SNX3: variants seen among roughly 807,000 people sequenced by gnomAD.
SNX3 encodes sorting nexin 3.
In SNX3, 5 loss-of-function variants were observed where a neutral mutation model predicts 17.7. The observed-to-expected ratio is 0.28, with a 90% confidence interval of 0.15 to 0.59. The LOEUF is 0.59. Among genes scored for constraint, SNX3 ranks in the 20% least tolerant of loss-of-function variants. The probability of loss-of-function intolerance (pLI) is 0.88; values close to 1 mark genes in which losing one functional copy is unlikely to be tolerated. For missense variants in SNX3, 132 were observed against 206.8 expected, an observed-to-expected ratio of 0.64 and a Z score of 2.22; for synonymous variants, 91 against 76.5, an observed-to-expected ratio of 1.19 and a Z score of -0.99.
chr6:108,241,950 A>C (rs1775534593), intron 1 of SNX3, among the ~76,000 whole-genome samples: 1 of 152,240 alleles, frequency 6.6e-6, no homozygotes, highest in African/African-American at 2.4e-5. Context: ...ACTGAAAGAC[A>C]GCATGATGAC....
chr6:108,229,794 A>G (rs1252073958), intron 1 of SNX3, among the ~76,000 whole-genome samples: 1 of 152,228 alleles, frequency 6.6e-6, no homozygotes, highest in Non-Finnish European at 1.5e-5. Context: ...TGAATATTCT[A>G]AAGCATAGGG....
chr6:108,237,500 A>G (rs981811095), intron 1 of SNX3, among the ~76,000 whole-genome samples: 1 of 152,018 alleles, frequency 6.6e-6, no homozygotes, highest in Non-Finnish European at 1.5e-5. Context: ...AGAATCTACC[A>G]TGAGGCCAGG....
At chr6:108,222,737 A>C (rs1202734981) in intron 2 of SNX3, among the ~76,000 whole-genome samples, 1 of 152,188 alleles carries the variant, frequency 6.6e-6, no homozygotes. Context: ...AGTGTGAGTC[A>C]GCAAAGACCT....
At chr6:108,229,347 CA>C (rs1775069012) in intron 1 of SNX3, among the ~76,000 whole-genome samples, 1 of 151,236 alleles carries the variant, frequency 6.6e-6, no homozygotes, top group South Asian at 2.1e-4. Flanking sequence ...GAAGAATTGA[CA>C]ATTGATTTGG....
intron 2 of SNX3, among the ~76,000 whole-genome samples, chr6:108,218,416 C>T (rs952846860): frequency 6.6e-6 from 1 of 152,186 alleles, no homozygotes; most frequent in African/African-American, 2.4e-5. Context: ...TAGAACCTCA[C>T]ATTGCTGGTA....
intron 1 of SNX3, among the ~76,000 whole-genome samples, chr6:108,228,006 G>A (rs1319586377): frequency 6.6e-6 from 1 of 152,036 alleles, no homozygotes; most frequent in South Asian, 2.1e-4. Flanking sequence ...TGCTAGATAA[G>A]GGAGAATCAT....
At chr6:108,223,497 C>CT (rs59920022) in intron 1 of SNX3, among the ~76,000 whole-genome samples, 3,833 of 109,960 alleles carry the variant, frequency 0.035, 498 homozygotes, top group African/African-American at 0.055. Context: ...TTTGCTAGTT[C>CT]TTTTTTTTTT....
At chr6:108,222,303 T>C in intron 2 of SNX3, 5 of 1,304,008 alleles carry the variant, frequency 3.8e-6, no homozygotes, top group Non-Finnish European at 4.0e-6. Flanking sequence ...TTGCCTCTGA[T>C]GTCATTCTGA....
At chr6:108,239,066 A>G (rs968365231) in intron 1 of SNX3, among the ~76,000 whole-genome samples, 4 of 151,894 alleles carry the variant, frequency 2.6e-5, no homozygotes, top group Non-Finnish European at 5.9e-5. Context: ...ACACCCAGCT[A>G]ATTTTTTTGT....
chr6:108,212,438 A>C (rs1695839748), intron 3 of SNX3, among the ~76,000 whole-genome samples, 184 bp from the exon 4 acceptor site: 1 of 151,916 alleles, frequency 6.6e-6, no homozygotes, highest in Non-Finnish European at 1.5e-5. Flanking sequence ...TCCTGGGTTC[A>C]AGTGATTTCG....
In SNX3 at chr6:108,220,659, C is replaced by A. The variant is rs570275444; in HGVS notation, c.258+2291G>T. ...CATTAAGTGCCATATGACTACACCACATTGTTTGAATTACTATAGCCTTAA... is the reference window on the plus strand; with the variant it reads ...CATTAAGTGCCATATGACTACACCAAATTGTTTGAATTACTATAGCCTTAA... On this transcript the variant is annotated intron_variant, in intron 2 of 3. Coordinates refer to ENST00000230085, the MANE Select transcript of SNX3 (RefSeq NM_003795.6). Among the ~76,000 whole-genome samples, 6 of 152,228 alleles carry A rather than the reference C, an allele frequency of 3.9e-5. No homozygotes were observed. The East Asian group carries it at 1.2e-3, about 29-fold the overall frequency.
intron 1 of SNX3, among the ~76,000 whole-genome samples, chr6:108,233,351 A>G (rs1399203280): frequency 6.6e-6 from 1 of 152,224 alleles, no homozygotes; most frequent in Non-Finnish European, 1.5e-5. Flanking sequence ...TAATAGTCTA[A>G]CACCTTTTTT....
In SNX3 at chr6:108,214,575, A is replaced by G; in HGVS notation, c.306T>C (p.Pro102=). The G allele has an allele frequency of 6.2e-7, 1 of 1,613,606 alleles. No individual in the cohort carries two copies. Among genetic ancestry groups the G allele is most frequent in the South Asian group, 1.1e-5 (1 of 90,922 alleles). ...LPGKAFLRQL[P]FRGDDGIFDD... ...CAAATATTCCATCATCTCCTCTAAA[A>G]GGAAGCTGACGCAAAAACGCTTTCC... Residue 102 remains proline, a synonymous_variant, in exon 3 of 4, where the codon CCT becomes CCC. Transcript: ENST00000230085.
intron 1 of SNX3, among the ~76,000 whole-genome samples, chr6:108,250,862 G>T (rs1221105078): frequency 1.3e-5 from 2 of 152,176 alleles, no homozygotes; most frequent in African/African-American, 4.8e-5. Context: ...ATTATCAAAT[G>T]ACCATTCCAA....
intron 1 of SNX3, among the ~76,000 whole-genome samples, chr6:108,236,188 T>A (rs1470886003): frequency 6.6e-6 from 1 of 151,732 alleles, no homozygotes; most frequent in African/African-American, 2.4e-5. Flanking sequence ...AGAATAGTCA[T>A]ATGAAACAGT....
intron 2 of SNX3, among the ~76,000 whole-genome samples, chr6:108,217,957 A>C (rs1774640618): frequency 6.6e-6 from 1 of 152,186 alleles, no homozygotes; most frequent in African/African-American, 2.4e-5. Flanking sequence ...AAAAGTACTA[A>C]TATACCACAA....
At chr6:108,231,334 C>T (rs1775148510) in intron 1 of SNX3, among the ~76,000 whole-genome samples, 1 of 152,192 alleles carries the variant, frequency 6.6e-6, no homozygotes, top group African/African-American at 2.4e-5. Context: ...ATCCACCCGC[C>T]TCAACCTCCC....
intron 1 of SNX3, among the ~76,000 whole-genome samples, chr6:108,242,654 T>C (rs1435187253): frequency 6.6e-6 from 1 of 152,208 alleles, no homozygotes; most frequent in African/African-American, 2.4e-5. Context: ...ATGAATGCAA[T>C]GGATGTCACT....
chr6:108,229,361 C>T (rs543950476), intron 1 of SNX3, among the ~76,000 whole-genome samples: 5 of 152,014 alleles, frequency 3.3e-5, no homozygotes, highest in South Asian at 2.1e-4. Context: ...TGATTTGGCC[C>T]GGATTCATTC....
Sources: allele counts gnomAD v4.1 joint callset (sites outside exome capture counted in the v4.1 genomes callset), GRCh38; gene constraint gnomAD v4.1.1; transcripts MANE v1.5; gene names NCBI Gene and HGNC (gene_info 2026-07-23, HGNC 2026-07-21).